PACSIN2: variants seen among roughly 807,000 people sequenced by gnomAD.
PACSIN2 encodes the protein protein kinase C and casein kinase substrate in neurons 2.
A neutral mutation model predicts 63.8 loss-of-function variants in PACSIN2; 25 were observed. The ratio of observed to expected loss-of-function variants is 0.39; its 90% CI spans 0.29 to 0.55. The LOEUF (loss-of-function observed/expected upper bound fraction) is 0.55, where lower values mean the gene tolerates loss of function less well. PACSIN2 is among the 20% of genes least tolerant of loss of function. The pLI is 0.62. For missense variants in PACSIN2, 518 were observed against 646.9 expected, an observed-to-expected ratio of 0.80 and a Z score of 2.16; for synonymous variants, 255 against 256.2, an observed-to-expected ratio of 1.00 and a Z score of 0.05.
chr22:42,872,244 G>A (rs1317577886), intron 10 of PACSIN2, among the ~76,000 whole-genome samples: 1 of 152,232 alleles, frequency 6.6e-6, no homozygotes, highest in East Asian at 1.9e-4. Context: ...GGTGGCACTA[G>A]GGTAGGGCCC....
At chr22:42,991,615 T>C (rs927422518) in intron 1 of PACSIN2, among the ~76,000 whole-genome samples, 1 of 152,120 alleles carries the variant, frequency 6.6e-6, no homozygotes, top group African/African-American at 2.4e-5. Flanking sequence ...GCTCCTGCTG[T>C]CAGGAGCTGG....
At chr22:42,874,173 G>C (rs968568528) in intron 10 of PACSIN2, among the ~76,000 whole-genome samples, 1 of 151,998 alleles carries the variant, frequency 6.6e-6, no homozygotes, top group Non-Finnish European at 1.5e-5. Flanking sequence ...ATAGTGGGTG[G>C]GGTGGTAGCA....
intron 3 of PACSIN2, among the ~76,000 whole-genome samples, chr22:42,891,383 G>A (rs1929904267): frequency 1.3e-5 from 2 of 152,118 alleles, no homozygotes; most frequent in African/African-American, 2.4e-5. Flanking sequence ...TAGGAAAATT[G>A]GGGGATTACA....
chr22:42,898,374 C>T (rs950952012), intron 2 of PACSIN2, among the ~76,000 whole-genome samples: 1 of 151,852 alleles, frequency 6.6e-6, no homozygotes. Context: ...TTGGTTCAAG[C>T]GATTCTCTTG....
At chr22:42,986,311 C>G (rs1166779665) in intron 1 of PACSIN2, among the ~76,000 whole-genome samples, 5 of 152,208 alleles carry the variant, frequency 3.3e-5, no homozygotes, top group Admixed American at 3.3e-4. Context: ...GTCAGCGAGT[C>G]TGGTAAGCAC....
chr22:42,886,365 C>A lies in PACSIN2; in HGVS notation c.610-1804G>T, dbSNP rs141393049. 8.9e-4 allele frequency among the ~76,000 whole-genome samples: 136 copies of A among 152,238 alleles called. 1 individual carries two copies. In the East Asian group the frequency reaches 0.023, roughly 26 times the overall value. On this transcript the variant is annotated intron_variant, in intron 5 of 10. Coordinates refer to ENST00000263246, the MANE Select transcript of PACSIN2 (RefSeq NM_001184970.3). Reference sequence around the variant, plus strand: ...GGATGCTACAAGATGTAGTTGATGGCTGATAAGAAACATGAAAGTACATGT... The same window carrying A: ...GGATGCTACAAGATGTAGTTGATGGATGATAAGAAACATGAAAGTACATGT...
chr22:43,014,393 G>A (rs1924738513), intron 1 of PACSIN2, among the ~76,000 whole-genome samples: 1 of 106,476 alleles, frequency 9.4e-6, no homozygotes, highest in African/African-American at 3.7e-5. Context: ...GACACGGAGG[G>A]TGGGAAGGAA....
intron 1 of PACSIN2, among the ~76,000 whole-genome samples, chr22:42,939,199 A>C (rs1933039446): frequency 6.6e-6 from 1 of 152,242 alleles, no homozygotes; most frequent in South Asian, 2.1e-4. Context: ...ATGGGAACAC[A>C]TCAGCTGACA....
intron 1 of PACSIN2, among the ~76,000 whole-genome samples, chr22:42,966,670 T>G (rs778033548): frequency 6.6e-6 from 1 of 152,250 alleles, no homozygotes; most frequent in Non-Finnish European, 1.5e-5. Flanking sequence ...TTTTTTCTTA[T>G]GCATTTTATA....
chr22:42,889,919 GA>G (rs888096247), intron 4 of PACSIN2, among the ~76,000 whole-genome samples: 24 of 146,800 alleles, frequency 1.6e-4, no homozygotes, highest in African/African-American at 5.0e-4. Flanking sequence ...AAAGGGACTT[GA>G]AAAAAAAATA....
At chr22:42,964,914 AAAG>A (rs1296750345) in intron 1 of PACSIN2, among the ~76,000 whole-genome samples, 3 of 151,974 alleles carry the variant, frequency 2.0e-5, no homozygotes, top group African/African-American at 7.2e-5. Flanking sequence ...GCTTGGATAA[AAAG>A]AAGATTCCCC....
At chr22:42,930,502 A>C (rs1232000938) in intron 1 of PACSIN2, among the ~76,000 whole-genome samples, 1 of 152,232 alleles carries the variant, frequency 6.6e-6, no homozygotes, top group African/African-American at 2.4e-5. Flanking sequence ...ACCCACGTTC[A>C]CACCACATAA....
chr22:42,889,655 A>G (rs946831304), intron 4 of PACSIN2, among the ~76,000 whole-genome samples: 1 of 152,198 alleles, frequency 6.6e-6, no homozygotes, highest in Non-Finnish European at 1.5e-5. Flanking sequence ...GCCAGAGAAC[A>G]TCTGGGTGTT....
intron 1 of PACSIN2, among the ~76,000 whole-genome samples, chr22:42,995,558 G>A (rs2146909899): frequency 6.6e-6 from 1 of 152,274 alleles, no homozygotes; most frequent in African/African-American, 2.4e-5. Context: ...AAAAACCAGA[G>A]TGTGTATACA....
intron 2 of PACSIN2, among the ~76,000 whole-genome samples, chr22:42,904,202 C>T (rs976240319): frequency 6.6e-6 from 1 of 152,238 alleles, no homozygotes; most frequent in Non-Finnish European, 1.5e-5. Context: ...CCAGGCTCCC[C>T]ATGCTCTGCT....
In PACSIN2 at chr22:42,869,781, A is replaced by G. The variant is rs1343997312; in HGVS notation, c.*1576T>C. On this transcript the variant is annotated 3_prime_UTR_variant, in exon 11 of 11. Transcript: ENST00000263246. ...GCGAAGGGACTTCCATATGCACGAG[A>G]TCAACTGTTTATTGATTTTTTTCCT... The G allele has an allele frequency of 6.6e-6, 1 of 152,276 alleles. No individual in the cohort carries two copies. The highest frequency in any genetic ancestry group is 2.4e-5 in the African/African-American group (1 of 41,458). The allele number at this position is 152,276 out of a possible 1,614,324, so 9.4% of individuals were successfully genotyped here. A position where few individuals can be genotyped will look rare whatever the true frequency, so the allele number is the denominator to read the frequency against.
Position 43,000,226 on chromosome 22 carries a change from C to T in PACSIN2, c.-78+14795G>A, listed in dbSNP as rs951961982. On this transcript the variant is annotated intron_variant, in intron 1 of 10. Transcript: ENST00000263246. ...GGCCCTCCTATGGGGAAAAGCAACC[C>T]GGGTTCCAGGTCAGGACCCCAAAAG... Among the ~76,000 whole-genome samples, 12 of 152,322 alleles carry T rather than the reference C, an allele frequency of 7.9e-5. No individual in the cohort carries two copies. The South Asian group carries it at 1.2e-3, about 16-fold the overall frequency.
At chr22:43,004,634 T>C (rs1283076086) in intron 1 of PACSIN2, among the ~76,000 whole-genome samples, 1 of 152,234 alleles carries the variant, frequency 6.6e-6, no homozygotes, top group Non-Finnish European at 1.5e-5. Flanking sequence ...CATAATTTAA[T>C]ATAATGAAAG....
At chr22:42,995,698 T>C (rs1374397642) in intron 1 of PACSIN2, among the ~76,000 whole-genome samples, 1 of 152,220 alleles carries the variant, frequency 6.6e-6, no homozygotes, top group Admixed American at 6.5e-5. Flanking sequence ...GTGCCTATAA[T>C]GTCCACCAGA....
Sources: allele counts gnomAD v4.1 joint callset (sites outside exome capture counted in the v4.1 genomes callset), GRCh38; gene constraint gnomAD v4.1.1; transcripts MANE v1.5; gene names NCBI Gene and HGNC (gene_info 2026-07-23, HGNC 2026-07-21).